ZNF609: variants seen among roughly 807,000 people sequenced by gnomAD.
ZNF609 encodes zinc finger protein 609.
A neutral mutation model predicts 109.5 loss-of-function variants in ZNF609; 11 were observed. The observed-to-expected ratio is 0.10, with a 90% CI of 0.06 to 0.17. The LOEUF is 0.17. ZNF609 is among the 10% of genes least tolerant of loss of function. The pLI is 1.00. For synonymous variants in ZNF609, 646 were observed against 662.0 expected (o/e 0.98, Z 0.37); for missense variants, 1,559 against 1,772.4 (o/e 0.88, Z 2.16).
intron 2 of ZNF609, among the ~76,000 whole-genome samples, chr15:64,523,468 A>G (rs533068786): frequency 7.2e-5 from 11 of 152,284 alleles, no homozygotes; most frequent in South Asian, 4.1e-4. Context: ...AATCTAGGAA[A>G]ATCTTTGAAA....
chr15:64,614,574 T>C (rs937091507), intron 2 of ZNF609, among the ~76,000 whole-genome samples: 1 of 152,012 alleles, frequency 6.6e-6, no homozygotes, highest in Non-Finnish European at 1.5e-5. Flanking sequence ...ACTTAATAAA[T>C]AGATAAATGG....
At chr15:64,539,411 G>C (rs1487916466) in intron 2 of ZNF609, among the ~76,000 whole-genome samples, 3 of 151,952 alleles carry the variant, frequency 2.0e-5, no homozygotes, top group Admixed American at 2.0e-4. Context: ...GTTTCACCAT[G>C]TTAGCCAGGA....
intron 2 of ZNF609, among the ~76,000 whole-genome samples, chr15:64,527,323 C>A (rs886529985): frequency 1.8e-5 from 2 of 112,452 alleles, no homozygotes; most frequent in African/African-American, 6.8e-5. Context: ...TTTTTTTTTT[C>A]TTCTGTAAAG....
At chr15:64,657,054 C>T (rs766216571) in intron 3 of ZNF609, among the ~76,000 whole-genome samples, 54 of 150,886 alleles carry the variant, frequency 3.6e-4, no homozygotes, top group Non-Finnish European at 6.9e-4. Context: ...AGGCCAGGAG[C>T]TCAAGACCAG....
chr15:64,611,736 CTT>C (rs908372761), intron 2 of ZNF609, among the ~76,000 whole-genome samples: 14 of 143,358 alleles, frequency 9.8e-5, no homozygotes, highest in Non-Finnish European at 9.2e-5. Flanking sequence ...ATTTTCTTTT[CTT>C]TTTTTTTTTT....
intron 2 of ZNF609, among the ~76,000 whole-genome samples, chr15:64,503,733 G>C (rs561233707): frequency 1.3e-5 from 2 of 152,320 alleles, no homozygotes; most frequent in East Asian, 1.9e-4. Context: ...TGCAAGGTAG[G>C]AACACTGCAC....
At chr15:64,505,838 T>C (rs1448574073) in intron 2 of ZNF609, among the ~76,000 whole-genome samples, 2 of 152,076 alleles carry the variant, frequency 1.3e-5, no homozygotes, top group Non-Finnish European at 1.5e-5. Flanking sequence ...ACATCAACTC[T>C]TATGTATAAT....
intron 3 of ZNF609, among the ~76,000 whole-genome samples, chr15:64,668,434 G>T (rs73454987): frequency 0.05 from 7,547 of 152,220 alleles, 603 homozygotes; most frequent in African/African-American, 0.17. Context: ...TAATATCCCA[G>T]ACATGGCGCT....
At chr15:64,501,874 T>C (rs1327745735) in intron 2 of ZNF609, 2 of 152,226 alleles carry the variant, frequency 1.3e-5, no homozygotes, top group Non-Finnish European at 2.9e-5. Context: ...ATGTCCATGA[T>C]TGTCTCTAAC....
intron 1 of ZNF609, among the ~76,000 whole-genome samples, chr15:64,464,428 C>G (rs1295342030): frequency 6.6e-6 from 1 of 152,174 alleles, no homozygotes; most frequent in African/African-American, 2.4e-5. Flanking sequence ...CTGAAGGTAG[C>G]TAAGCAATTG....
At chr15:64,477,860 C>A (rs1465798916) in intron 1 of ZNF609, among the ~76,000 whole-genome samples, 1 of 151,946 alleles carries the variant, frequency 6.6e-6, no homozygotes, top group Non-Finnish European at 1.5e-5. Context: ...GAACTCCTGA[C>A]ATCAGGTGAT....
In ZNF609 at chr15:64,678,256, A is replaced by G. The variant is rs1192767585; in HGVS notation, c.3543A>G (p.Glu1181=). The change falls in exon 6 of 10, where the codon GAA becomes GAG. Residue 1181 remains glutamate (E), a synonymous_variant. Coordinates refer to ENST00000326648, the MANE Select transcript of ZNF609 (RefSeq NM_015042.2). The part of the protein sequence containing the change: ...RSRSKDSVPK[E]DGKESTSSDC... ...GGAGTAAGGACTCTGTCCCCAAGGAAGATGGGAAGGAAAGCACAAGTAGTG... is the reference window on the plus strand; with the variant it reads ...GGAGTAAGGACTCTGTCCCCAAGGAGGATGGGAAGGAAAGCACAAGTAGTG... The G allele has an allele frequency of 6.2e-7, 1 of 1,614,178 alleles. No individual in the cohort carries two copies. The highest frequency in any genetic ancestry group is 1.7e-5 in the Admixed American group (1 of 60,026).
chr15:64,602,310 G>T (rs576354376), intron 2 of ZNF609, among the ~76,000 whole-genome samples: 1 of 152,258 alleles, frequency 6.6e-6, no homozygotes, highest in African/African-American at 2.4e-5. Context: ...GCACCAAATT[G>T]TCTGAGCCTG....
rs539629315 is a variant in ZNF609, at chr15:64,664,402, A to G, written c.974-5944A>G. Among the ~76,000 whole-genome samples, 6 of 152,312 alleles carry G rather than the reference A, an allele frequency of 3.9e-5. No individual in the cohort carries two copies. In the South Asian group the frequency reaches 1.2e-3, roughly 32 times the overall value. On this transcript the variant is annotated intron_variant, in intron 3 of 9. Transcript: ENST00000326648. ...CATAAGACTTGGTAAATCTGAAAGT[A>G]AGATTCTAGAGAAACACGGAGCACT...
intron 2 of ZNF609, among the ~76,000 whole-genome samples, chr15:64,605,902 CTTTTTTTTTT>C (rs10542161): frequency 5.8e-4 from 41 of 70,694 alleles, no homozygotes; most frequent in African/African-American, 2.1e-3. Flanking sequence ...CCCGGCTAAT[CTTTTTTTTTT>C]TTTTTTTTTT....
intron 3 of ZNF609, among the ~76,000 whole-genome samples, chr15:64,648,639 A>G (rs1454174480): frequency 6.6e-6 from 1 of 151,628 alleles, no homozygotes; most frequent in East Asian, 1.9e-4. Flanking sequence ...ATGATTATAC[A>G]TTGGAGGTTG....
chr15:64,658,723 G>A (rs1209135993), intron 3 of ZNF609, among the ~76,000 whole-genome samples: 5 of 151,786 alleles, frequency 3.3e-5, no homozygotes, highest in African/African-American at 9.7e-5. Flanking sequence ...CTTGAGCTTT[G>A]GAGGTTGAGG....
chr15:64,575,714 C>A (rs1388712754), intron 2 of ZNF609, among the ~76,000 whole-genome samples: 30 of 152,102 alleles, frequency 2.0e-4, no homozygotes, highest in Admixed American at 2.0e-3. Context: ...GCAAGGTAAA[C>A]TTAAAGATAG....
At chr15:64,643,706 AT>A (rs1318419191) in intron 3 of ZNF609, 1 of 152,184 alleles carries the variant, frequency 6.6e-6, no homozygotes, top group Non-Finnish European at 1.5e-5. Context: ...AATTATTAAT[AT>A]TTATTGTTAA....
Sources: gnomAD v4.1 joint callset for allele counts (sites outside exome capture counted in the v4.1 genomes callset) on GRCh38, gnomAD v4.1.1 for gene constraint, MANE v1.5 for transcripts, NCBI Gene and HGNC (gene_info 2026-07-23, HGNC 2026-07-21) for gene names.